Variants in RANBP2 observed in about 807,000 individuals in gnomAD.
RANBP2 encodes RAN binding protein 2.
RANBP2 carries 57 observed loss-of-function variants against 303.6 expected under a neutral mutation model. That is an observed-to-expected ratio of 0.19 (90% CI 0.15 to 0.23). The LOEUF (loss-of-function observed/expected upper bound fraction) is 0.23. RANBP2 is among the 10% of genes least tolerant of loss of function. The pLI, the probability that RANBP2 is intolerant of heterozygous loss-of-function variation, is 1.00. For missense variants in RANBP2, 3,138 were observed against 3,780.8 expected (o/e 0.83, Z 4.46); for synonymous variants, 1,167 against 1,301.5 (o/e 0.90, Z 2.23).
the RANBP2 span, chr2:108,885,456 A>G: frequency 6.6e-6 from 1 of 152,368 alleles, no homozygotes; most frequent in African/African-American, 2.4e-5. Context: ...ATGAAAAGTT[A>G]TACAATAAAA....
At chr2:109,164,625 A>G in the RANBP2 span, among the ~76,000 whole-genome samples, 2 of 152,190 alleles carry the variant, frequency 1.3e-5, no homozygotes, top group Non-Finnish European at 2.9e-5. Flanking sequence ...TAAAGGTGTA[A>G]AAATTGGATC....
chr2:109,265,131 T>C, the RANBP2 span, among the ~76,000 whole-genome samples: 2 of 152,016 alleles, frequency 1.3e-5, no homozygotes, highest in Non-Finnish European at 2.9e-5. Context: ...GGATGGTGTG[T>C]GTTTTATTTT....
chr2:109,520,230 TAAAAGGGA>T, the RANBP2 span, among the ~76,000 whole-genome samples: 1 of 152,132 alleles, frequency 6.6e-6, no homozygotes, highest in African/African-American at 2.4e-5. Context: ...TTTAAGTTTT[TAAAAGGGA>T]AGGAGGAGTT....
chr2:108,913,725 C>T, the RANBP2 span, among the ~76,000 whole-genome samples: 10,072 of 152,000 alleles, frequency 0.066, 379 homozygotes, highest in South Asian at 0.12. Context: ...CAAGAGGTGG[C>T]GGATCACGAG....
chr2:109,395,096 G>A, the RANBP2 span, among the ~76,000 whole-genome samples: 520 of 152,366 alleles, frequency 3.4e-3, 1 homozygote, highest in African/African-American at 0.012. Flanking sequence ...TTCCCCAGAT[G>A]GAGAGTTTTG....
chr2:109,250,850 T>G, the RANBP2 span, among the ~76,000 whole-genome samples: 2 of 152,208 alleles, frequency 1.3e-5, no homozygotes, highest in East Asian at 3.9e-4. Flanking sequence ...CAGTGCTGTT[T>G]AGGTAGAACA....
At chr2:108,827,053 A>G in the RANBP2 span, among the ~76,000 whole-genome samples, 1 of 152,324 alleles carries the variant, frequency 6.6e-6, no homozygotes, top group Non-Finnish European at 1.5e-5. Context: ...TACATTACTA[A>G]TATATGGTTA....
At chr2:109,625,095 A>C in the RANBP2 span, among the ~76,000 whole-genome samples, 16 of 148,786 alleles carry the variant, frequency 1.1e-4, no homozygotes, top group Non-Finnish European at 1.7e-4. Context: ...AACAAAAAAA[A>C]AAAAAAAAAA....
chr2:109,413,856 C>A, the RANBP2 span, among the ~76,000 whole-genome samples: 6 of 152,226 alleles, frequency 3.9e-5, no homozygotes, highest in African/African-American at 9.6e-5. Flanking sequence ...AGGGAGCACA[C>A]TGGGGTCTTC....
the RANBP2 span, among the ~76,000 whole-genome samples, chr2:108,871,942 T>C: frequency 6.6e-6 from 1 of 152,226 alleles, no homozygotes. Context: ...CTAGTCCTTT[T>C]ACTGTGGCTT....
the RANBP2 span, among the ~76,000 whole-genome samples, chr2:109,712,316 C>T: frequency 6.6e-6 from 1 of 152,242 alleles, no homozygotes; most frequent in Admixed American, 6.5e-5. Context: ...ACACCAGAGC[C>T]TTGCCCTCTC....
the RANBP2 span, among the ~76,000 whole-genome samples, chr2:109,421,573 G>A: frequency 6.6e-6 from 1 of 152,174 alleles, no homozygotes; most frequent in African/African-American, 2.4e-5. Context: ...AGATGTGGAG[G>A]GACCTCTTCT....
the RANBP2 span, among the ~76,000 whole-genome samples, chr2:109,098,053 G>C: frequency 1.3e-5 from 2 of 152,024 alleles, no homozygotes; most frequent in Non-Finnish European, 2.9e-5. Flanking sequence ...AGCAGGGCAG[G>C]TTCTGGGCAT....
the RANBP2 span, among the ~76,000 whole-genome samples, chr2:109,143,874 A>G: frequency 6.6e-6 from 1 of 152,230 alleles, no homozygotes; most frequent in Non-Finnish European, 1.5e-5. Context: ...ATCTTAAAAA[A>G]GAAGGAAATC....
the RANBP2 span, among the ~76,000 whole-genome samples, chr2:109,259,373 A>G: frequency 2.6e-5 from 4 of 152,260 alleles, no homozygotes; most frequent in African/African-American, 7.2e-5. Context: ...GAGGCATCCT[A>G]CATACCTGCA....
chr2:109,229,460 C>G, the RANBP2 span, among the ~76,000 whole-genome samples: 7 of 152,196 alleles, frequency 4.6e-5, no homozygotes, highest in African/African-American at 1.7e-4. Flanking sequence ...ACTCCTCTGG[C>G]TATGACAGCT....
the RANBP2 span, among the ~76,000 whole-genome samples, chr2:109,627,202 A>G: frequency 1.3e-5 from 2 of 152,138 alleles, no homozygotes; most frequent in Non-Finnish European, 2.9e-5. Flanking sequence ...TTATTTGTGT[A>G]TTTATTTAGT....
the RANBP2 span, among the ~76,000 whole-genome samples, chr2:109,293,180 A>G: frequency 9.8e-5 from 15 of 152,348 alleles, no homozygotes; most frequent in East Asian, 2.9e-3. Context: ...TGGGCCTCCG[A>G]TGGTGCTGTG....
chr2:109,546,161 A>G, the RANBP2 span: 12 of 1,610,880 alleles, frequency 7.4e-6, no homozygotes, highest in South Asian at 1.1e-4. Context: ...TTCTTCTTCC[A>G]AAAGTCTTCT....
Sources: allele counts gnomAD v4.1 joint callset (sites outside exome capture counted in the v4.1 genomes callset), GRCh38; gene constraint gnomAD v4.1.1; transcripts MANE v1.5; gene names NCBI Gene and HGNC (gene_info 2026-07-23, HGNC 2026-07-21).